The following CNTN6 variants were observed in gnomAD, a reference collection of about 807,000 sequenced individuals.
The protein encoded by CNTN6 is contactin-6.
A neutral mutation model predicts 122.8 loss-of-function variants in CNTN6; 137 were observed. The observed-to-expected ratio is 1.12, with a 90% CI of 0.97 to 1.29. The LOEUF is 1.29. Ranked by LOEUF, CNTN6 falls within the 50% of genes most tolerant of loss-of-function variation. The probability of loss-of-function intolerance (pLI) is 0.00; values close to 1 mark genes in which losing one functional copy is unlikely to be tolerated. For synonymous variants in CNTN6, 570 were observed against 426.0 expected (o/e 1.34, Z -4.16); for missense variants, 1,634 against 1,223.4 (o/e 1.34, Z -5.01).
At chr3:1,374,756 T>C (rs1221776336) in intron 16 of CNTN6, among the ~76,000 whole-genome samples, 2 of 152,042 alleles carry the variant, frequency 1.3e-5, no homozygotes, top group Non-Finnish European at 2.9e-5. Context: ...AAACAAAGGA[T>C]CACTTGTCAT....
At chr3:1,256,964 C>T (rs1343253495) in intron 4 of CNTN6, among the ~76,000 whole-genome samples, 2 of 152,084 alleles carry the variant, frequency 1.3e-5, no homozygotes, top group Non-Finnish European at 1.5e-5. Flanking sequence ...GATTAACAAC[C>T]TTTGAAAAAT....
At chr3:1,224,504 A>T (rs2094252527) in intron 3 of CNTN6, among the ~76,000 whole-genome samples, 1 of 152,212 alleles carries the variant, frequency 6.6e-6, no homozygotes, top group South Asian at 2.1e-4. Flanking sequence ...CAAAATGCAT[A>T]CATGTATGAA....
intron 5 of CNTN6, among the ~76,000 whole-genome samples, chr3:1,283,176 A>T (rs1035988608): frequency 1.3e-5 from 2 of 152,074 alleles, no homozygotes; most frequent in African/African-American, 4.8e-5. Flanking sequence ...GTGGGTCTCC[A>T]ACTCCTGGCC....
chr3:1,243,381 C>A lies in CNTN6; in HGVS notation c.358+15388C>A, dbSNP rs1477092921. On this transcript the variant is annotated intron_variant, in intron 4 of 22. Coordinates refer to ENST00000446702, the MANE Select transcript of CNTN6 (RefSeq NM_001289080.2). ...GCTGGGGTTTGTGTCACAGTGGAGG[C>A]AAGGAATTGCAACTTTTTTCTATTA... Among the ~76,000 whole-genome samples the A allele has an allele frequency of 3.3e-5, 5 of 152,210 alleles. No individual in the cohort carries two copies. The East Asian group carries it at 9.6e-4, about 29-fold the overall frequency.
chr3:1,364,257 TGAGA>T lies in CNTN6; in HGVS notation c.1493-8039_1493-8036del, dbSNP rs1379622232. 2.0e-5 allele frequency among the ~76,000 whole-genome samples: 3 copies of T among 151,906 alleles called. No individual in the cohort carries two copies. In the East Asian group the frequency reaches 5.8e-4, roughly 29 times the overall value. On this transcript the variant is annotated intron_variant, in intron 12 of 22. Transcript: ENST00000446702. ...GCAAGTTAACTAGCAAGAGAAAATA[TGAGA>T]GAATTTTGTCACCTATTTGAAGTGC...
intron 2 of CNTN6, among the ~76,000 whole-genome samples, chr3:1,211,217 C>T (rs1382717669): frequency 2.0e-5 from 3 of 152,182 alleles, no homozygotes; most frequent in Non-Finnish European, 4.4e-5. Context: ...ATCTCAGGTA[C>T]TTTATATCTG....
At chr3:1,353,633 C>A (rs1406022101) in intron 12 of CNTN6, among the ~76,000 whole-genome samples, 1 of 151,544 alleles carries the variant, frequency 6.6e-6, no homozygotes, top group Admixed American at 6.6e-5. Flanking sequence ...ATTTCTCCAG[C>A]AAATTTTTGG....
intron 7 of CNTN6, among the ~76,000 whole-genome samples, chr3:1,298,624 T>A (rs191846412): frequency 6.6e-6 from 1 of 152,152 alleles, no homozygotes; most frequent in Admixed American, 6.5e-5. Flanking sequence ...TTTGGAGGTA[T>A]ACAAATTTCA....
chr3:1,096,970 C>T (rs1259578477), intron 1 of CNTN6, among the ~76,000 whole-genome samples: 1 of 152,024 alleles, frequency 6.6e-6, no homozygotes, highest in Non-Finnish European at 1.5e-5. Context: ...TTAAAAATCT[C>T]TTTATTTAAG....
At chr3:1,266,949 CT>C (rs1036704755) in intron 4 of CNTN6, among the ~76,000 whole-genome samples, 8,811 of 90,530 alleles carry the variant, frequency 0.097, 124 homozygotes, top group Middle Eastern at 0.13. Flanking sequence ...CAGCCTGGCC[CT>C]TTTTTTTTTT....
At chr3:1,298,634 A>T (rs1043665798) in intron 7 of CNTN6, among the ~76,000 whole-genome samples, 3 of 152,102 alleles carry the variant, frequency 2.0e-5, no homozygotes, top group African/African-American at 7.2e-5. Context: ...TACAAATTTC[A>T]TTTTTGTGCC....
chr3:1,135,576 C>CATATACAATA (rs2092450221), intron 1 of CNTN6, among the ~76,000 whole-genome samples: 1 of 151,992 alleles, frequency 6.6e-6, no homozygotes, highest in Non-Finnish European at 1.5e-5. Context: ...ATTTATTGTG[C>CATATACAATA]TACATATACA....
intron 20 of CNTN6, chr3:1,394,526 T>A (rs1188117380): frequency 6.5e-6 from 1 of 152,716 alleles, no homozygotes; most frequent in African/African-American, 2.4e-5. Flanking sequence ...GGGCGGGCCA[T>A]GGGCACCTGC....
At chr3:1,160,533 G>A (rs896542043) in intron 2 of CNTN6, among the ~76,000 whole-genome samples, 9 of 151,032 alleles carry the variant, frequency 6.0e-5, no homozygotes, top group African/African-American at 2.4e-5. Context: ...TTTACAGCCT[G>A]CCTTTCCATT....
At chr3:1,307,986 A>G (rs1698626583) in intron 7 of CNTN6, among the ~76,000 whole-genome samples, 1 of 152,158 alleles carries the variant, frequency 6.6e-6, no homozygotes, top group Admixed American at 6.6e-5. Flanking sequence ...GACTCTTTGG[A>G]AATGGGTGAC....
At chr3:1,202,399 G>C (rs1051440155) in intron 2 of CNTN6, among the ~76,000 whole-genome samples, 3 of 149,408 alleles carry the variant, frequency 2.0e-5, no homozygotes, top group South Asian at 2.1e-4. Flanking sequence ...AATCAGCCGG[G>C]CGTGGTGGCG....
chr3:1,151,963 A>G (rs990570902), intron 2 of CNTN6, among the ~76,000 whole-genome samples: 8 of 152,216 alleles, frequency 5.3e-5, no homozygotes, highest in African/African-American at 1.9e-4. Flanking sequence ...GCCCTGAGTT[A>G]CTGAAAAATC....
At chr3:1,320,106 A>G (rs950985745) in intron 7 of CNTN6, among the ~76,000 whole-genome samples, 5 of 151,760 alleles carry the variant, frequency 3.3e-5, no homozygotes, top group African/African-American at 1.2e-4. Context: ...GAATATACCA[A>G]TTTACTGAAA....
chr3:1,173,986 A>C (rs1178499946), intron 2 of CNTN6, among the ~76,000 whole-genome samples: 1 of 152,168 alleles, frequency 6.6e-6, no homozygotes, highest in Non-Finnish European at 1.5e-5. Flanking sequence ...TTACTGCCTC[A>C]CAAAGGGCTT....
Sources: allele counts gnomAD v4.1 joint callset (sites outside exome capture counted in the v4.1 genomes callset), GRCh38; gene constraint gnomAD v4.1.1; transcripts MANE v1.5; gene names NCBI Gene and HGNC (gene_info 2026-07-23, HGNC 2026-07-21).